Variants in RANBP3 observed in about 807,000 individuals in gnomAD.
RANBP3 encodes RAN binding protein 3.
RANBP3 carries 14 observed loss-of-function variants against 77.3 expected under a neutral mutation model. The ratio of observed to expected loss-of-function variants is 0.18; its 90% CI spans 0.12 to 0.28. RANBP3 has a LOEUF of 0.28. RANBP3 is among the 10% of genes least tolerant of loss of function. RANBP3 has a pLI of 1.00. For missense variants in RANBP3, 586 were observed against 752.3 expected (o/e 0.78, Z 2.59); for synonymous variants, 315 against 312.4 (o/e 1.01, Z -0.09).
Position 5,951,452 on chromosome 19 carries a change from T to C in RANBP3, c.223A>G (p.Thr75Ala), listed in dbSNP as rs747944689. 1 of 1,600,270 alleles carries C rather than the reference T, an allele frequency of 6.2e-7. No individual in the cohort carries two copies. The highest frequency in any genetic ancestry group is 1.1e-5 in the South Asian group (1 of 89,294). The change falls in exon 3 of 17, where the codon ACT becomes GCT. Residue 75 changes from threonine to alanine, a missense_variant. This residue lies in a region of RANBP3 where 172 missense variants were observed against 183.4 expected (regional missense o/e 0.94). Coordinates refer to ENST00000340578, the MANE Select transcript of RANBP3 (RefSeq NM_007322.3). ...GCTTCAGGAGCGGGAGGCGGAGGAG[T>C]GCTGGCTGAGGCGCCAGCAGGGGCA... ...PPAPAGASASTPPPPAPEAQL... is the reference protein window; with the variant it reads ...PPAPAGASASAPPPPAPEAQL...
rs145387381 is a variant in RANBP3 at position 5,974,187 on chromosome 19, G to A, written c.22+3874C>T. Among the ~76,000 whole-genome samples the A allele has an allele frequency of 5.1e-4, 78 of 152,208 alleles. 2 individuals are homozygous for A. The highest frequency in any genetic ancestry group is 1.8e-3 in the African/African-American group (76 of 41,520). On this transcript the variant is annotated intron_variant, in intron 1 of 16. Transcript: ENST00000340578. ...TGCAACGCACAGGACAGCCCCTCCCGCCAAAGAGAGCCATCAAAACGTCAA... is the reference window on the plus strand; with the variant it reads ...TGCAACGCACAGGACAGCCCCTCCCACCAAAGAGAGCCATCAAAACGTCAA...
intron 1 of RANBP3, among the ~76,000 whole-genome samples, chr19:5,965,379 G>A (rs537067954): frequency 6.6e-6 from 1 of 152,286 alleles, no homozygotes; most frequent in South Asian, 2.1e-4. Context: ...GAGTTAAATA[G>A]CAGGCTTCCT....
chr19:5,946,303 G>A (rs1599760735), intron 3 of RANBP3, among the ~76,000 whole-genome samples: 4 of 152,296 alleles, frequency 2.6e-5, no homozygotes, highest in African/African-American at 7.2e-5. Flanking sequence ...GACTTGCTGC[G>A]TGGGTGGAGT....
intron 1 of RANBP3, chr19:5,962,762 G>A: frequency 2.2e-6 from 1 of 456,018 alleles, no homozygotes; most frequent in Non-Finnish European, 4.4e-6. Context: ...TCAGGCCAAA[G>A]GTTGATCAAC....
chr19:5,939,523 C>T (rs1599749967), intron 5 of RANBP3, among the ~76,000 whole-genome samples: 1 of 152,148 alleles, frequency 6.6e-6, no homozygotes, highest in Non-Finnish European at 1.5e-5. Context: ...GGCTCTGAGT[C>T]GGAATTGCCT....
At chr19:5,957,414 A>G (rs2058347477) in intron 2 of RANBP3, among the ~76,000 whole-genome samples, 1 of 152,180 alleles carries the variant, frequency 6.6e-6, no homozygotes, top group Non-Finnish European at 1.5e-5. Flanking sequence ...GGATAAATAT[A>G]TAATGCAAAC....
chr19:5,953,704 A>C (rs2058301539), intron 2 of RANBP3, among the ~76,000 whole-genome samples: 1 of 152,194 alleles, frequency 6.6e-6, no homozygotes, highest in Non-Finnish European at 1.5e-5. Context: ...ATCTCCATCC[A>C]AGGCAGTTAA....
chr19:5,931,656 T>C, intron 7 of RANBP3, 125 bp from the exon 8 acceptor site: 2 of 1,007,348 alleles, frequency 2.0e-6, no homozygotes, highest in South Asian at 4.7e-5. Context: ...CCACAGCACA[T>C]GTCTCCTTTT....
intron 3 of RANBP3, among the ~76,000 whole-genome samples, chr19:5,949,451 C>T (rs556820550): frequency 6.6e-6 from 1 of 152,372 alleles, no homozygotes; most frequent in African/African-American, 2.4e-5. Flanking sequence ...CTGGTCAGCT[C>T]AGAGCTGTCA....
chr19:5,956,671 C>A (rs2058338300), intron 2 of RANBP3, among the ~76,000 whole-genome samples: 3 of 152,160 alleles, frequency 2.0e-5, no homozygotes, highest in African/African-American at 7.2e-5. Flanking sequence ...TCCCCAACCC[C>A]TACAAACACA....
chr19:5,935,237 G>A (rs116188150), intron 5 of RANBP3, among the ~76,000 whole-genome samples: 2,956 of 152,308 alleles, frequency 0.019, 97 homozygotes, highest in African/African-American at 0.068. Context: ...CAAGAGGATT[G>A]CAGCAACCCT....
chr19:5,933,739 C>G (rs1036538032), intron 5 of RANBP3: 10 of 408,850 alleles, frequency 2.4e-5, no homozygotes, highest in Middle Eastern at 6.5e-4. Flanking sequence ...GGGCGTCAGC[C>G]GCCCTCCCAG....
intron 1 of RANBP3, among the ~76,000 whole-genome samples, chr19:5,960,119 G>C (rs918810563): frequency 6.6e-6 from 1 of 152,076 alleles, no homozygotes; most frequent in Non-Finnish European, 1.5e-5. Flanking sequence ...CCTTGGACCA[G>C]AGCCAACCAG....
Position 5,918,799 on chromosome 19 carries a change from C to T in RANBP3, c.1331-161G>A, listed in dbSNP as rs143639065. Reference sequence around the variant, plus strand: ...ACAGAGCAAGACTTCTCCCTGAGGCCAGCCCTGGCACACCTGCTCCCGGGG... The same window carrying T: ...ACAGAGCAAGACTTCTCCCTGAGGCTAGCCCTGGCACACCTGCTCCCGGGG... On this transcript the variant is annotated intron_variant, in intron 14 of 16. Transcript: ENST00000340578. Among the ~76,000 whole-genome samples the T allele has an allele frequency of 4.4e-3, 678 of 152,368 alleles. 6 individuals are homozygous for T. The highest frequency in any genetic ancestry group is 0.02 in the South Asian group (96 of 4,828).
chr19:5,946,573 G>C (rs938100445), intron 3 of RANBP3, among the ~76,000 whole-genome samples: 2 of 152,212 alleles, frequency 1.3e-5, no homozygotes, highest in Non-Finnish European at 2.9e-5. Context: ...ACCCAGCGGA[G>C]GGAAGCAAGA....
chr19:5,928,794 G>A (rs2057948527), intron 8 of RANBP3, among the ~76,000 whole-genome samples: 3 of 152,244 alleles, frequency 2.0e-5, no homozygotes, highest in Admixed American at 2.0e-4. Context: ...AATATCCTAA[G>A]ACCAAATGCA....
chr19:5,966,538 C>T (rs778383095), intron 1 of RANBP3, among the ~76,000 whole-genome samples: 4 of 152,246 alleles, frequency 2.6e-5, no homozygotes, highest in Admixed American at 6.5e-5. Flanking sequence ...TCTCCTCTTC[C>T]GTATAAACTT....
intron 3 of RANBP3, among the ~76,000 whole-genome samples, chr19:5,943,485 A>C (rs1464036004): frequency 6.6e-6 from 1 of 152,216 alleles, no homozygotes; most frequent in Non-Finnish European, 1.5e-5. Flanking sequence ...ATAATCCTTT[A>C]AAAATGTAAA....
Position 5,958,091 on chromosome 19 carries a change from A to C in RANBP3, c.23-118T>G, listed in dbSNP as rs2058356821. 1 of 905,818 alleles carries C rather than the reference A, an allele frequency of 1.1e-6. No homozygotes were observed. Among genetic ancestry groups the C allele is most frequent in the Admixed American group, 2.3e-5 (1 of 44,222 alleles). The allele number at this position is 905,818 out of a possible 1,614,324, so 56.1% of individuals were successfully genotyped here. On this transcript the variant is annotated intron_variant, in intron 1 of 16. Transcript: ENST00000340578. This position sits in a 1 kb window ranked among gnomAD's most constrained non-coding sequence, Gnocchi z 4.4. ...TAAATGAAACTAGTAACTCCAGAGA[A>C]CATCAAATCACTTAGAACAGCGTCT... is the stretch of plus-strand genomic sequence containing the variant.
Sources: allele counts gnomAD v4.1 joint callset (sites outside exome capture counted in the v4.1 genomes callset), GRCh38; gene constraint gnomAD v4.1.1; regional missense constraint gnomAD v4.1.1; non-coding constraint Gnocchi (gnomAD v3.1); transcripts MANE v1.5; gene names NCBI Gene and HGNC (gene_info 2026-07-23, HGNC 2026-07-21).